The following GTF2IRD1 variants were observed in gnomAD, a reference collection of about 807,000 sequenced individuals.
GTF2IRD1 encodes GTF2I repeat domain containing 1.
Under a neutral mutation model 113.2 loss-of-function variants are expected in GTF2IRD1, and 26 were observed. The ratio of observed to expected loss-of-function variants is 0.23; its 90% CI spans 0.17 to 0.32. GTF2IRD1 has a LOEUF of 0.32. Among genes scored for constraint, GTF2IRD1 ranks in the 10% least tolerant of loss-of-function variants. The pLI, the probability that GTF2IRD1 is intolerant of heterozygous loss-of-function variation, is 1.00. For missense variants in GTF2IRD1, 864 were observed against 1,280.8 expected, an observed-to-expected ratio of 0.67 and a Z score of 4.97; for synonymous variants, 484 against 529.1, an observed-to-expected ratio of 0.91 and a Z score of 1.17.
chr7:74,532,158 A>AC (rs1797998500), intron 9 of GTF2IRD1, among the ~76,000 whole-genome samples: 1 of 151,680 alleles, frequency 6.6e-6, no homozygotes, highest in Non-Finnish European at 1.5e-5. Context: ...ATCTGCCTCC[A>AC]CCCCCAATGC....
chr7:74,598,791 C>G (rs1232947754), intron 25 of GTF2IRD1, among the ~76,000 whole-genome samples: 3 of 152,140 alleles, frequency 2.0e-5, no homozygotes, highest in Admixed American at 2.0e-4. Context: ...CAGTCTGAGA[C>G]AGAGGGTGGG....
chr7:74,472,691 G>A (rs1794181629), intron 1 of GTF2IRD1, among the ~76,000 whole-genome samples: 1 of 152,236 alleles, frequency 6.6e-6, no homozygotes, highest in Non-Finnish European at 1.5e-5. Flanking sequence ...GGCGGAGATT[G>A]CAGTGAGCCG....
At chr7:74,474,078 AAAACAAAC>A (rs143360691) in intron 1 of GTF2IRD1, among the ~76,000 whole-genome samples, 3 of 146,760 alleles carry the variant, frequency 2.0e-5, no homozygotes, top group African/African-American at 7.6e-5. Flanking sequence ...ACAAAAAAAA[AAAACAAAC>A]AAAAAAATTA....
intron 7 of GTF2IRD1, among the ~76,000 whole-genome samples, chr7:74,523,869 T>C (rs1452254571): frequency 1.3e-5 from 2 of 151,324 alleles, no homozygotes; most frequent in Admixed American, 6.6e-5. Context: ...CAGAGACAAA[T>C]GTTAGGGCAG....
At chr7:74,573,430 A>G (rs1800812570) in intron 22 of GTF2IRD1, among the ~76,000 whole-genome samples, 1 of 152,014 alleles carries the variant, frequency 6.6e-6, no homozygotes, top group African/African-American at 2.4e-5. Context: ...TAAAATTTAA[A>G]ATAGACAGGG....
chr7:74,558,297 A>C (rs1799724044), intron 20 of GTF2IRD1, among the ~76,000 whole-genome samples: 1 of 149,382 alleles, frequency 6.7e-6, no homozygotes, highest in South Asian at 2.1e-4. Flanking sequence ...AAAAAAAAAA[A>C]ATGGAGCATA....
chr7:74,537,328 G>A (rs1262528259), intron 11 of GTF2IRD1, among the ~76,000 whole-genome samples: 2 of 151,386 alleles, frequency 1.3e-5, no homozygotes, highest in African/African-American at 4.9e-5. Context: ...CAGGAGAATC[G>A]CTTGAACCCT....
At chr7:74,577,329 G>A (rs1173535295) in intron 22 of GTF2IRD1, among the ~76,000 whole-genome samples, 3 of 152,156 alleles carry the variant, frequency 2.0e-5, no homozygotes, top group African/African-American at 7.2e-5. Context: ...GTGAGCCACC[G>A]CGCCCAGCTG....
At chr7:74,485,870 G>A (rs1794992664) in intron 1 of GTF2IRD1, among the ~76,000 whole-genome samples, 1 of 152,076 alleles carries the variant, frequency 6.6e-6, no homozygotes, top group Non-Finnish European at 1.5e-5. Flanking sequence ...GGGCTGCAGT[G>A]AGCTATGATC....
At chr7:74,465,993 A>G (rs1306985836) in intron 1 of GTF2IRD1, among the ~76,000 whole-genome samples, 3 of 151,468 alleles carry the variant, frequency 2.0e-5, no homozygotes, top group Non-Finnish European at 4.4e-5. Context: ...CTGGTCTTGA[A>G]CTCCTGGCCT....
chr7:74,544,079 A>G lies in GTF2IRD1; in HGVS notation c.1619-676A>G, dbSNP rs187819333. Among the ~76,000 whole-genome samples, 37 of 152,170 alleles carry G rather than the reference A, an allele frequency of 2.4e-4. No homozygotes were observed. In the East Asian group the frequency reaches 6.4e-3, roughly 26 times the overall value. On this transcript the variant is annotated intron_variant, in intron 14 of 26. Coordinates refer to ENST00000424337, the MANE Select transcript of GTF2IRD1 (RefSeq NM_005685.4). ...CCAGTCACATCCTCCTCAGGCAACC[A>G]CTAGTATTCCTAGCATCTTCCTTTT...
intron 1 of GTF2IRD1, chr7:74,506,307 A>G (rs2267829): frequency 0.1 from 15,766 of 152,050 alleles, 2,002 homozygotes; most frequent in East Asian, 0.39. Context: ...ACTGGTCGGG[A>G]TCCTGGGGTG....
At chr7:74,585,843 C>T (rs1167217669) in intron 22 of GTF2IRD1, among the ~76,000 whole-genome samples, 4 of 151,660 alleles carry the variant, frequency 2.6e-5, no homozygotes, top group Non-Finnish European at 5.9e-5. Flanking sequence ...GATCGCACCA[C>T]TGCACTCCAG....
Position 74,508,131 on chromosome 7 carries a change from C to G in GTF2IRD1, c.51C>G (p.Pro17=). 2 of 1,611,678 alleles carry G rather than the reference C, an allele frequency of 1.2e-6. No individual in the cohort carries two copies. Among genetic ancestry groups the G allele is most frequent in the South Asian group, 1.1e-5 (1 of 91,076 alleles). The change falls in exon 2 of 27, where the codon CCC becomes CCG. Residue 17 remains proline, a synonymous_variant. Transcript: ENST00000424337. ...RCDVPTNGCG[P]DRWNSAFTRK... ...ACGTCCCCACCAACGGCTGCGGACCCGACCGCTGGAACTCCGCGTTCACCC... is the reference window on the plus strand; with the variant it reads ...ACGTCCCCACCAACGGCTGCGGACCGGACCGCTGGAACTCCGCGTTCACCC...
chr7:74,589,826 A>G (rs782186448), intron 22 of GTF2IRD1, 25 bp from the exon 23 acceptor site: 2 of 1,518,120 alleles, frequency 1.3e-6, no homozygotes, highest in Non-Finnish European at 9.1e-7. Flanking sequence ...GCCAACTCTC[A>G]TGCCCCCTTG....
intron 25 of GTF2IRD1, among the ~76,000 whole-genome samples, chr7:74,599,981 A>G (rs1455629831): frequency 1.3e-5 from 2 of 152,160 alleles, no homozygotes; most frequent in African/African-American, 4.8e-5. Flanking sequence ...CCTTGGAGAA[A>G]GTCCTTTAAC....
intron 1 of GTF2IRD1, among the ~76,000 whole-genome samples, chr7:74,486,614 A>T (rs782454490): frequency 1.1e-4 from 17 of 152,078 alleles, no homozygotes; most frequent in Non-Finnish European, 2.1e-4. Flanking sequence ...AGAGGAGAGC[A>T]AGGGAGAAGT....
chr7:74,457,735 C>T (rs1239958987), intron 1 of GTF2IRD1, among the ~76,000 whole-genome samples: 2 of 152,126 alleles, frequency 1.3e-5, no homozygotes, highest in Admixed American at 6.6e-5. Context: ...TTCTTTGGGA[C>T]AAGCCAGGGG....
At chr7:74,488,576 A>G (rs894361890) in intron 1 of GTF2IRD1, among the ~76,000 whole-genome samples, 7 of 151,840 alleles carry the variant, frequency 4.6e-5, no homozygotes, top group Non-Finnish European at 8.8e-5. Flanking sequence ...TGGGCAACAT[A>G]GTGAGACCCT....
Sources: allele counts gnomAD v4.1 joint callset (sites outside exome capture counted in the v4.1 genomes callset), GRCh38; gene constraint gnomAD v4.1.1; transcripts MANE v1.5; gene names NCBI Gene and HGNC (gene_info 2026-07-23, HGNC 2026-07-21).